The following KMT2E variants were observed in gnomAD, a reference collection of about 807,000 sequenced individuals.
KMT2E encodes lysine methyltransferase 2E (inactive).
Under a neutral mutation model 184.6 loss-of-function variants are expected in KMT2E, and 30 were observed. The ratio of observed to expected loss-of-function variants is 0.16; its 90% CI spans 0.12 to 0.22. KMT2E has a LOEUF of 0.22. KMT2E is among the 10% of genes least tolerant of loss of function. The pLI is 1.00. For synonymous variants in KMT2E, 815 were observed against 776.5 expected (o/e 1.05, Z -0.82); for missense variants, 2,023 against 2,237.4 (o/e 0.90, Z 1.93).
intron 3 of KMT2E, among the ~76,000 whole-genome samples, chr7:105,043,536 A>G (rs1204509008): frequency 6.6e-6 from 1 of 152,172 alleles, no homozygotes; most frequent in East Asian, 1.9e-4. Flanking sequence ...GCGCCCGGCC[A>G]CTTACTTAAA....
At chr7:105,068,515 G>A (rs1437566838) in intron 6 of KMT2E, among the ~76,000 whole-genome samples, 1 of 151,278 alleles carries the variant, frequency 6.6e-6, no homozygotes, top group Non-Finnish European at 1.5e-5. Flanking sequence ...TGTGACCACA[G>A]CTCACTGCAG....
intron 3 of KMT2E, among the ~76,000 whole-genome samples, chr7:105,056,789 C>T (rs948292830): frequency 6.6e-6 from 1 of 152,128 alleles, no homozygotes; most frequent in African/African-American, 2.4e-5. Context: ...CTGTGTAAGG[C>T]ATTATAGTTG....
In KMT2E at chr7:105,101,938, G is replaced by A. The variant is rs1304261690; in HGVS notation, c.1940G>A (p.Arg647Lys). The A allele has an allele frequency of 4.3e-6, 7 of 1,613,616 alleles. No individual in the cohort carries two copies. The highest frequency in any genetic ancestry group is 5.1e-6 in the Non-Finnish European group (6 of 1,179,842). Residue 647 changes from arginine (R) to lysine (K), a missense_variant, in exon 17 of 27, where the codon AGA becomes AAA. Transcript: ENST00000311117. ...ASKPTPAKVN[R>K]TKQRKSFSRS... The stretch of plus-strand genomic sequence containing the variant: ...AAGCCAACCCCTGCCAAAGTAAATA[G>A]AACTAAACAGAGAAAAAGTTTTTCT...
chr7:105,074,329 A>C (rs1018403509), intron 7 of KMT2E, among the ~76,000 whole-genome samples: 4 of 152,172 alleles, frequency 2.6e-5, no homozygotes, highest in African/African-American at 9.7e-5. Flanking sequence ...GTACATATAT[A>C]ATTTTGCTAG....
intron 3 of KMT2E, among the ~76,000 whole-genome samples, chr7:105,058,518 A>G (rs1459024632): frequency 6.6e-6 from 1 of 152,162 alleles, no homozygotes; most frequent in Non-Finnish European, 1.5e-5. Context: ...GGAATTTCTA[A>G]AAGAAGCAGT....
chr7:105,095,567 C>G (rs1366052600), intron 15 of KMT2E, among the ~76,000 whole-genome samples: 1 of 152,222 alleles, frequency 6.6e-6, no homozygotes, highest in Non-Finnish European at 1.5e-5. Flanking sequence ...TCCATTACCT[C>G]TACCCCTTTT....
chr7:105,030,758 A>ATTTTCATATATATATATATATATAT (rs1242108554), intron 1 of KMT2E, among the ~76,000 whole-genome samples: 8 of 152,312 alleles, frequency 5.3e-5, no homozygotes, highest in African/African-American at 1.7e-4. Flanking sequence ...CAGGTATATG[A>ATTTTCATATATATATATATATATAT]AAAGTAACAG....
intron 13 of KMT2E, among the ~76,000 whole-genome samples, chr7:105,086,875 A>G (rs1797988601): frequency 7.2e-6 from 1 of 138,472 alleles, no homozygotes; most frequent in Non-Finnish European, 1.5e-5. Flanking sequence ...ATTAGCATAT[A>G]TATGCTATAT....
Position 105,110,425 on chromosome 7 carries a change from C to T in KMT2E, c.3845-52C>T, listed in dbSNP as rs944842999. ...GAATCAGTTAATCACTCTGCATCCT[C>T]GTTCTTTGCAGCTCTAATGTTCTCT... On this transcript the variant is annotated intron_variant, in intron 24 of 26. Transcript: ENST00000311117. 3.7e-6 allele frequency: 6 copies of T among 1,613,890 alleles called. No individual in the cohort carries two copies. In the African/African-American group the frequency reaches 5.3e-5, roughly 14 times the overall value.
rs1015680965 is a variant in KMT2E, at chr7:105,105,759, C to G, written c.2451+66C>G. 7 of 1,546,578 alleles carry G rather than the reference C, an allele frequency of 4.5e-6. No homozygotes were observed. In the African/African-American group the frequency reaches 9.6e-5, roughly 21 times the overall value. On this transcript the variant is annotated intron_variant, in intron 18 of 26. Coordinates refer to ENST00000311117, the MANE Select transcript of KMT2E (RefSeq NM_182931.3). ...ATGCCAACTCATTCCTTACTACCAT[C>G]CATGGTAGTGAAATGCTTTTGGAAT... is the stretch of plus-strand genomic sequence containing the variant.
chr7:105,110,208 T>C (rs1562934612), intron 23 of KMT2E, 72 bp from the exon 24 acceptor site: 2 of 1,188,036 alleles, frequency 1.7e-6, no homozygotes, highest in Admixed American at 1.7e-5. Flanking sequence ...ACAGTACATG[T>C]TGACTATGAA....
intron 1 of KMT2E, among the ~76,000 whole-genome samples, chr7:105,035,334 A>AT (rs1795601458): frequency 6.7e-6 from 1 of 149,726 alleles, no homozygotes; most frequent in Admixed American, 6.6e-5. Context: ...GCCTGGCCTA[A>AT]TTTTTTTTAT....
intron 14 of KMT2E, among the ~76,000 whole-genome samples, chr7:105,090,877 C>T (rs1044570855): frequency 2.0e-5 from 3 of 152,136 alleles, no homozygotes; most frequent in Non-Finnish European, 4.4e-5. Flanking sequence ...AAACTTTCAA[C>T]TGAACAAACA....
chr7:105,107,083 C>A lies in KMT2E; in HGVS notation c.2848-83C>A, dbSNP rs1053779236. The A allele has an allele frequency of 6.2e-6, 5 of 802,048 alleles. No individual in the cohort carries two copies. In the African/African-American group the frequency reaches 7.1e-5, roughly 11 times the overall value. 49.7% of individuals were successfully genotyped at this position (802,048 alleles called of 1,614,324 possible). ...CTAAAACTAAAGTCTGTATATTTTT[C>A]ATTTTGTTTTCATTTCTATAATTAT... is the stretch of plus-strand genomic sequence containing the variant. On this transcript the variant is annotated intron_variant, in intron 20 of 26. Coordinates refer to ENST00000311117, the MANE Select transcript of KMT2E (RefSeq NM_182931.3).
At chr7:105,070,651 AAAAAAGC>A (rs1797246161) in intron 6 of KMT2E, among the ~76,000 whole-genome samples, 1 of 150,548 alleles carries the variant, frequency 6.6e-6, no homozygotes, top group Non-Finnish European at 1.5e-5. Context: ...AAAAAAAAAA[AAAAAAGC>A]AAAGATTAGC....
At chr7:105,109,299 T>C (rs1004461091) in intron 23 of KMT2E, 71 bp downstream of exon 23, 6 of 1,477,632 alleles carry the variant, frequency 4.1e-6, no homozygotes, top group Admixed American at 3.9e-5. Flanking sequence ...CTATTTGTTG[T>C]TCTCCCAAGG....
chr7:105,065,288 C>A (rs1796983989), intron 5 of KMT2E, among the ~76,000 whole-genome samples: 1 of 152,188 alleles, frequency 6.6e-6, no homozygotes, highest in South Asian at 2.1e-4. Context: ...CTTCTGTTGT[C>A]TGCATGACAT....
intron 15 of KMT2E, chr7:105,091,648 C>G: frequency 7.5e-6 from 3 of 402,126 alleles, no homozygotes; most frequent in Non-Finnish European, 1.3e-5. Context: ...AATGTATCCT[C>G]TCATGATTTG....
chr7:105,053,872 C>G (rs1238168396), intron 3 of KMT2E, among the ~76,000 whole-genome samples: 1 of 151,970 alleles, frequency 6.6e-6, no homozygotes, highest in Non-Finnish European at 1.5e-5. Context: ...AACGCCTTCT[C>G]TCTTCAAAAA....
Sources: gnomAD v4.1 joint callset for allele counts (sites outside exome capture counted in the v4.1 genomes callset) on GRCh38, gnomAD v4.1.1 for gene constraint, MANE v1.5 for transcripts, NCBI Gene and HGNC (gene_info 2026-07-23, HGNC 2026-07-21) for gene names.